Variants in SORCS2 observed in about 807,000 individuals in gnomAD.
SORCS2 encodes VPS10 domain-containing receptor SorCS2.
SORCS2 carries 100 observed loss-of-function variants against 141.6 expected under a neutral mutation model. The observed-to-expected ratio is 0.71, with a 90% CI of 0.60 to 0.83. The LOEUF is 0.83. Among genes scored for constraint, SORCS2 ranks in the 40% least tolerant of loss-of-function variants. The pLI is 0.00. For missense variants in SORCS2, 1,646 were observed against 1,560.2 expected, an observed-to-expected ratio of 1.05 and a Z score of -0.93; for synonymous variants, 789 against 676.9, an observed-to-expected ratio of 1.17 and a Z score of -2.57.
chr4:7,326,193 G>C (rs80290497), intron 1 of SORCS2, among the ~76,000 whole-genome samples: 7,236 of 152,168 alleles, frequency 0.048, 245 homozygotes, highest in Non-Finnish European at 0.078. Flanking sequence ...GGCTCCAGGG[G>C]AGTTAGGATC....
In SORCS2 at chr4:7,648,622, G is replaced by A. The variant is rs1721238612; in HGVS notation, c.814-5512G>A. On this transcript the variant is annotated intron_variant, in intron 4 of 26. Coordinates refer to ENST00000507866, the MANE Select transcript of SORCS2 (RefSeq NM_020777.3). The surrounding 1 kb of genome is among the most constrained non-coding windows in gnomAD (Gnocchi z 4.2). ...GCAGATGACGAGGGATGGGTTAGAA[G>A]CTGCTGGGTCTACTGAGGGCGGGCG... is the stretch of plus-strand genomic sequence containing the variant. 6.6e-6 allele frequency among the ~76,000 whole-genome samples: 1 copy of A among 152,118 alleles called. No homozygotes were observed.
rs547360209 is a variant in SORCS2 at position 7,436,503 on chromosome 4, C to A, written c.548+40148C>A. 3.9e-4 allele frequency among the ~76,000 whole-genome samples: 59 copies of A among 152,370 alleles called. No homozygotes were observed. In the South Asian group the frequency reaches 9.3e-3, roughly 24 times the overall value. ...CACGGCGCTGCCTTGGTCTCTTGCA[C>A]TGAGGGGGTGCGACCCAGGAGGCCA... On this transcript the variant is annotated intron_variant, in intron 2 of 26. Coordinates refer to ENST00000507866, the MANE Select transcript of SORCS2 (RefSeq NM_020777.3).
chr4:7,682,989 C>T (rs753496615), intron 10 of SORCS2, 100 bp downstream of exon 10: 95 of 1,394,676 alleles, frequency 6.8e-5, no homozygotes, highest in Non-Finnish European at 8.8e-5. Context: ...TGAGAAGGAC[C>T]ATCTGAGACA....
intron 2 of SORCS2, among the ~76,000 whole-genome samples, chr4:7,513,950 A>C (rs1276957511): frequency 6.6e-6 from 1 of 152,196 alleles, no homozygotes; most frequent in African/African-American, 2.4e-5. Flanking sequence ...AGACTGAATC[A>C]GGGCTGTGGA....
At chr4:7,706,044 G>A (rs1170246392) in intron 14 of SORCS2, among the ~76,000 whole-genome samples, 2 of 148,088 alleles carry the variant, frequency 1.4e-5, no homozygotes, top group East Asian at 3.9e-4. Context: ...CAGGGATGAG[G>A]CTGGGCTCCG....
At chr4:7,347,315 A>G (rs114529042) in intron 1 of SORCS2, among the ~76,000 whole-genome samples, 1,565 of 152,324 alleles carry the variant, frequency 0.01, 21 homozygotes, top group African/African-American at 0.034. Flanking sequence ...CTCTGCAAGC[A>G]TTCTCCTTGG....
chr4:7,336,436 A>T (rs545902329), intron 1 of SORCS2, among the ~76,000 whole-genome samples: 2 of 150,242 alleles, frequency 1.3e-5, no homozygotes, highest in East Asian at 4.0e-4. Context: ...TGGATGAAGG[A>T]CTCTTGTCTC....
intron 3 of SORCS2, among the ~76,000 whole-genome samples, chr4:7,566,876 G>C (rs1715054972): frequency 6.6e-6 from 1 of 151,894 alleles, no homozygotes; most frequent in Non-Finnish European, 1.5e-5. Context: ...ATGCAGAGGG[G>C]GCACATGGGT....
rs1344907357 is a variant in SORCS2, at chr4:7,233,001, C to T, written c.480+39875C>T. Among the ~76,000 whole-genome samples, 2 of 152,176 alleles carry T rather than the reference C, an allele frequency of 1.3e-5. No homozygotes were observed. Among genetic ancestry groups the T allele is most frequent in the Admixed American group, 6.5e-5 (1 of 15,282 alleles). On this transcript the variant is annotated intron_variant, in intron 1 of 26. Coordinates refer to ENST00000507866, the MANE Select transcript of SORCS2 (RefSeq NM_020777.3). The surrounding 1 kb of genome is among the most constrained non-coding windows in gnomAD (Gnocchi z 4.5). The stretch of plus-strand genomic sequence containing the variant: ...CAGTGTAGGATGGCCATCACCAGAG[C>T]TCCCTGCTCCTCTGCACTAGGAACC...
In SORCS2 at chr4:7,528,114, CACGCTG is replaced by C. The variant is rs1560358879; in HGVS notation, c.549-3415_549-3410del. On this transcript the variant is annotated intron_variant, in intron 2 of 26. Transcript: ENST00000507866. ...CCCCATGATAGCAGGGCACAGTGTC[CACGCTG>C]CCCATGGATTCCAGCCTCAGTGTAG... Among the ~76,000 whole-genome samples, 885 of 99,758 alleles carry C rather than the reference CACGCTG, an allele frequency of 8.9e-3. 37 individuals are homozygous for C. The highest frequency in any genetic ancestry group is 0.072 in the Admixed American group (780 of 10,844). The allele number at this position is 99,758 out of a possible 152,430, so 65.4% of individuals were successfully genotyped here. A position where few individuals can be genotyped will look rare whatever the true frequency, so the allele number is the denominator to read the frequency against.
chr4:7,194,740 G>A (rs1230330398), intron 1 of SORCS2, among the ~76,000 whole-genome samples: 1 of 152,126 alleles, frequency 6.6e-6, no homozygotes. Context: ...GTGAACAAAC[G>A]GTGTGTGCTC....
intron 4 of SORCS2, among the ~76,000 whole-genome samples, chr4:7,639,508 ATG>A (rs1442264624): frequency 1.7e-5 from 2 of 116,470 alleles, no homozygotes; most frequent in East Asian, 4.4e-4. Flanking sequence ...GTGGGTGTGA[ATG>A]TGTGGGTTTG....
chr4:7,424,618 C>G (rs1033217291), intron 2 of SORCS2, among the ~76,000 whole-genome samples: 4 of 152,202 alleles, frequency 2.6e-5, no homozygotes, highest in African/African-American at 7.2e-5. Context: ...GGAGCGCCCC[C>G]CTCTGCTAAC....
At chr4:7,735,705 G>A (rs2148901694) in intron 25 of SORCS2, among the ~76,000 whole-genome samples, 1 of 152,314 alleles carries the variant, frequency 6.6e-6, no homozygotes, top group South Asian at 2.1e-4. Context: ...CTATCCAGGG[G>A]TTCCGTAGGC....
At chr4:7,194,294 G>C (rs1727038567) in intron 1 of SORCS2, among the ~76,000 whole-genome samples, 1 of 152,174 alleles carries the variant, frequency 6.6e-6, no homozygotes, top group Non-Finnish European at 1.5e-5. Context: ...GGGAGCACTG[G>C]CCTCTGGAGC....
In SORCS2 at chr4:7,286,790, A is replaced by G. The variant is rs1275099013; in HGVS notation, c.480+93664A>G. Reference sequence around the variant, plus strand: ...CAGATGATAACTGAGGCAGACTGGGAGGCGTCTTGGGTCCCAGACCGTGGA... The same window carrying G: ...CAGATGATAACTGAGGCAGACTGGGGGGCGTCTTGGGTCCCAGACCGTGGA... On this transcript the variant is annotated intron_variant, in intron 1 of 26. Coordinates refer to ENST00000507866, the MANE Select transcript of SORCS2 (RefSeq NM_020777.3). This position sits in a 1 kb window ranked among gnomAD's most constrained non-coding sequence, Gnocchi z 4.1. Among the ~76,000 whole-genome samples, 1 of 152,190 alleles carries G rather than the reference A, an allele frequency of 6.6e-6. No homozygotes were observed. The highest frequency in any genetic ancestry group is 1.5e-5 in the Non-Finnish European group (1 of 68,038).
rs753607311 is a variant in SORCS2, at chr4:7,728,447, C to T, written c.2967C>T (p.Thr989=). 1 of 1,612,490 alleles carries T rather than the reference C, an allele frequency of 6.2e-7. No homozygotes were observed. Among genetic ancestry groups the T allele is most frequent in the South Asian group, 1.1e-5 (1 of 90,682 alleles). Residue 989 remains threonine (T), a synonymous_variant, in exon 22 of 27, where the codon ACC becomes ACT. Transcript: ENST00000507866. ...EWREDVGLVV[T]RLLSKETSVP... is the part of the protein sequence containing the mutation. ...GGGAAGACGTGGGCCTGGTGGTCAC[C>T]CGGCTGCTCTCCAAGGTGTCCACCC...
intron 1 of SORCS2, among the ~76,000 whole-genome samples, chr4:7,225,085 T>A (rs182350802): frequency 6.6e-6 from 1 of 152,362 alleles, no homozygotes; most frequent in East Asian, 1.9e-4. Context: ...AAAACCCTAA[T>A]GCAGTATTGC....
intron 2 of SORCS2, among the ~76,000 whole-genome samples, chr4:7,507,878 C>G (rs1436293533): frequency 6.6e-6 from 1 of 152,118 alleles, no homozygotes; most frequent in African/African-American, 2.4e-5. Flanking sequence ...TTTTAAAAAT[C>G]CAAATATTAT....
Sources: allele counts gnomAD v4.1 joint callset (sites outside exome capture counted in the v4.1 genomes callset), GRCh38; gene constraint gnomAD v4.1.1; non-coding constraint Gnocchi (gnomAD v3.1); transcripts MANE v1.5; gene names NCBI Gene and HGNC (gene_info 2026-07-23, HGNC 2026-07-21).